CCNG1: variants seen among roughly 807,000 people sequenced by gnomAD.
CCNG1 encodes cyclin G1.
A neutral mutation model predicts 30.0 loss-of-function variants in CCNG1; 13 were observed. That is an observed-to-expected ratio of 0.43 (90% confidence interval 0.28 to 0.69). The LOEUF is 0.69. Ranked by LOEUF, CCNG1 falls within the 30% of genes least tolerant of loss-of-function variation. CCNG1 has a pLI of 0.16. For synonymous variants in CCNG1, 110 were observed against 121.5 expected, an observed-to-expected ratio of 0.91 and a Z score of 0.62; for missense variants, 285 against 331.4, an observed-to-expected ratio of 0.86 and a Z score of 1.09.
At chr5:163,455,154 A>T in the CCNG1 span, among the ~76,000 whole-genome samples, 7 of 152,206 alleles carry the variant, frequency 4.6e-5, no homozygotes, top group East Asian at 1.3e-3. Context: ...AGAAAAAAAA[A>T]AAAAACAGGA....
downstream of CCNG1, chr5:163,446,242 A>C (rs1758035020): frequency 6.6e-6 from 1 of 152,224 alleles, no homozygotes; most frequent in African/African-American, 2.4e-5. Context: ...ATTATGAGAC[A>C]TCCTATCTAA....
the CCNG1 span, chr5:163,452,550 C>A: frequency 6.6e-6 from 1 of 151,974 alleles, no homozygotes; most frequent in Non-Finnish European, 1.5e-5. Flanking sequence ...TATAGAGATA[C>A]GATAAATTTA....
the CCNG1 span, among the ~76,000 whole-genome samples, chr5:163,456,597 G>A: frequency 6.6e-5 from 10 of 152,064 alleles, no homozygotes; most frequent in Middle Eastern, 3.2e-3. Flanking sequence ...CATGGAATGG[G>A]GAGAATGGTG....
At chr5:163,452,837 TA>T in the CCNG1 span, 1 of 152,162 alleles carries the variant, frequency 6.6e-6, no homozygotes. Flanking sequence ...TCAAAAGTAC[TA>T]AGTTGTAAAA....
chr5:163,451,406 C>A, the CCNG1 span: 1 of 151,998 alleles, frequency 6.6e-6, no homozygotes, highest in Non-Finnish European at 1.5e-5. Flanking sequence ...GTGTAGAGTA[C>A]AAAGAGAGCA....
At chr5:163,445,100 C>G (rs1259299370), downstream of CCNG1, 1 of 152,136 alleles carries the variant, frequency 6.6e-6, no homozygotes, top group African/African-American at 2.4e-5. Context: ...AAAGCTATCT[C>G]TACTCAGTAT....
rs546294526 is a variant in CCNG1, at chr5:163,443,275, A to G, written c.*4-399A>G. ...TGCAGTGAGCTGAGATCGCGCCACT[A>G]CACTCCAGCCTGGGCGACAGAGCAA... is the stretch of plus-strand genomic sequence containing the variant. On this transcript the variant is annotated intron_variant, in intron 6 of 6. Transcript: ENST00000340828. 2.4e-4 allele frequency among the ~76,000 whole-genome samples: 36 copies of G among 150,316 alleles called. 1 individual carries two copies. In the South Asian group the frequency reaches 6.5e-3, roughly 27 times the overall value.
At chr5:163,442,243 AACTT>A (rs1194884958) in intron 5 of CCNG1, 100 bp downstream of exon 5, 6 of 1,093,974 alleles carry the variant, frequency 5.5e-6, no homozygotes, top group Middle Eastern at 2.2e-4. Flanking sequence ...GTTTATTTGA[AACTT>A]AAGTAGCTAT....
intron 6 of CCNG1, 143 bp downstream of exon 6, chr5:163,442,711 G>C (rs1341162702): frequency 1.5e-6 from 1 of 653,198 alleles, no homozygotes; most frequent in Non-Finnish European, 2.6e-6. Context: ...GATCTAGTCA[G>C]CTAATATTTG....
chr5:163,456,848 A>G, the CCNG1 span: 1 of 1,026,458 alleles, frequency 9.7e-7, no homozygotes, highest in Non-Finnish European at 1.3e-6. Flanking sequence ...TCATAATGAC[A>G]TTTGAGTTTT....
At chr5:163,441,637 A>G in intron 3 of CCNG1, 1 of 483,076 alleles carries the variant, frequency 2.1e-6, no homozygotes, top group Non-Finnish European at 3.6e-6. Flanking sequence ...AACTAAAAGA[A>G]AATAAATCTT....
At chr5:163,442,298 A>T (rs1026246600) in intron 5 of CCNG1, 76 bp from the exon 6 acceptor site, 27 of 1,221,368 alleles carry the variant, frequency 2.2e-5, no homozygotes, top group Non-Finnish European at 3.1e-5. Context: ...TGTTCATAGG[A>T]TTGCATTTAT....
chr5:163,442,627 C>A, intron 6 of CCNG1, 59 bp downstream of exon 6: 1 of 1,309,014 alleles, frequency 7.6e-7, no homozygotes, highest in South Asian at 1.4e-5. Flanking sequence ...CCATAATTTT[C>A]AACTAAAGAA....
At position 163,443,837 on chromosome 5, in the gene CCNG1, G is replaced by A. The variant is rs899555959; in HGVS notation, c.*167G>A. The stretch of plus-strand genomic sequence containing the variant: ...AACTGCCTAATATTATGCTGTAGTG[G>A]AATTATGTTTAGATTTGAATTCATC... On this transcript the variant is annotated 3_prime_UTR_variant, in exon 7 of 7. Coordinates refer to ENST00000340828, the MANE Select transcript of CCNG1 (RefSeq NM_004060.4). The A allele has an allele frequency of 2.5e-5, 16 of 648,980 alleles. No homozygotes were observed. The highest frequency in any genetic ancestry group is 4.1e-5 in the Non-Finnish European group (16 of 392,800). 40.2% of individuals were successfully genotyped at this position (648,980 alleles called of 1,614,324 possible).
rs373860207 is a variant in CCNG1, at chr5:163,439,277, A to C, written c.21A>C (p.Thr7=). Residue 7 remains threonine (T), a synonymous_variant, in exon 2 of 7, where the codon ACA becomes ACC. Coordinates refer to ENST00000340828, the MANE Select transcript of CCNG1 (RefSeq NM_004060.4). MIEVLT[T]TDSQKLLHQL... ...TATAGATGATAGAGGTACTGACAAC[A>C]ACTGACTCTCAGAAACTGCTACACC... 2.6e-5 allele frequency: 42 copies of C among 1,613,422 alleles called. No individual in the cohort carries two copies. The highest frequency in any genetic ancestry group is 3.4e-5 in the Non-Finnish European group (40 of 1,179,982).
chr5:163,441,113 C>G lies in CCNG1; in HGVS notation c.300C>G (p.Ser100Arg). ...AGCACCTTGGGTGTGTTGGACTGAG[C>G]TGCTTTTATTTGGCTGTAAAATCAA... ...QPKHLGCVGL[S>R]CFYLAVKSIE... Residue 100 changes from serine (S) to arginine (R), a missense_variant, in exon 3 of 7, where the codon AGC becomes AGG. Physicochemically the swap from Ser to Arg is moderately radical, Grantham distance 110. Transcript: ENST00000340828. 1 of 1,613,864 alleles carries G rather than the reference C, an allele frequency of 6.2e-7. No individual in the cohort carries two copies. The highest frequency in any genetic ancestry group is 1.1e-5 in the South Asian group (1 of 91,074).
At chr5:163,439,591 G>A in intron 2 of CCNG1, 71 bp downstream of exon 2, 2 of 1,407,202 alleles carry the variant, frequency 1.4e-6, no homozygotes, top group Non-Finnish European at 9.6e-7. Flanking sequence ...CCTTTTGGCT[G>A]GTATTCATAA....
intron 2 of CCNG1, among the ~76,000 whole-genome samples, 198 bp from the exon 3 acceptor site, chr5:163,440,880 T>C (rs1361548185): frequency 6.6e-6 from 1 of 152,134 alleles, no homozygotes; most frequent in East Asian, 1.9e-4. Flanking sequence ...TACTCAAAAA[T>C]TGGTTCTAAG....
At chr5:163,448,555 C>T (rs1758101143), downstream of CCNG1, 3 of 152,070 alleles carry the variant, frequency 2.0e-5, no homozygotes, top group Admixed American at 2.0e-4. Flanking sequence ...ATTCATAAAA[C>T]ATTTAAAGAT....
Sources: gnomAD v4.1 joint callset for allele counts (sites outside exome capture counted in the v4.1 genomes callset) on GRCh38, gnomAD v4.1.1 for gene constraint, MANE v1.5 for transcripts, NCBI Gene and HGNC (gene_info 2026-07-23, HGNC 2026-07-21) for gene names.